ESRRG: variants seen among roughly 807,000 people sequenced by gnomAD.
ESRRG encodes estrogen related receptor gamma, also known as estrogen-related receptor gamma.
In ESRRG, 13 loss-of-function variants were observed where a neutral mutation model predicts 44.0. The observed-to-expected ratio is 0.30, with a 90% CI of 0.19 to 0.47. ESRRG has a LOEUF of 0.47. Ranked by LOEUF, ESRRG falls within the 20% of genes least tolerant of loss-of-function variation. The probability of loss-of-function intolerance (pLI) is 1.00; values close to 1 mark genes in which losing one functional copy is unlikely to be tolerated. For synonymous variants in ESRRG, 215 were observed against 214.6 expected (o/e 1.00, Z -0.02); for missense variants, 395 against 580.6 (o/e 0.68, Z 3.29).
At chr1:217,057,149 A>G (rs2087290634) in intron 1 of ESRRG, among the ~76,000 whole-genome samples, 1 of 152,190 alleles carries the variant, frequency 6.6e-6, no homozygotes, top group Non-Finnish European at 1.5e-5. Context: ...ATATGGAACA[A>G]GAGTCTAAAG....
intron 2 of ESRRG, among the ~76,000 whole-genome samples, chr1:216,871,762 C>CAT (rs2096262888): frequency 6.6e-6 from 1 of 151,822 alleles, no homozygotes; most frequent in South Asian, 2.1e-4. Flanking sequence ...TCGTAGTTGC[C>CAT]ATATATATTA....
chr1:216,990,217 T>G (rs1454156379), intron 1 of ESRRG, among the ~76,000 whole-genome samples: 2 of 152,100 alleles, frequency 1.3e-5, no homozygotes, highest in African/African-American at 4.8e-5. Context: ...TCTAGAAAAA[T>G]GGATGCTGAT....
intron 5 of ESRRG, among the ~76,000 whole-genome samples, chr1:216,558,206 A>G (rs537553636): frequency 9.4e-4 from 143 of 152,246 alleles, no homozygotes; most frequent in African/African-American, 2.7e-3. Context: ...GCTGCAGAAA[A>G]TAGAGTCCCT....
chr1:216,992,079 T>C (rs1267708033), intron 1 of ESRRG, among the ~76,000 whole-genome samples: 1 of 152,162 alleles, frequency 6.6e-6, no homozygotes, highest in African/African-American at 2.4e-5. Flanking sequence ...GTCTGGATTT[T>C]TCAGACCAAA....
intron 1 of ESRRG, among the ~76,000 whole-genome samples, chr1:216,952,153 T>C (rs2067076560): frequency 6.6e-6 from 1 of 152,140 alleles, no homozygotes; most frequent in Non-Finnish European, 1.5e-5. Context: ...GCAAATTATA[T>C]ACCACAACCC....
chr1:216,577,700 A>G (rs1194275448), intron 3 of ESRRG, among the ~76,000 whole-genome samples: 2 of 152,088 alleles, frequency 1.3e-5, no homozygotes, highest in African/African-American at 4.8e-5. Context: ...GGTTCATTTG[A>G]TGGAAATGAA....
rs748236147 is a variant in ESRRG, at chr1:216,564,258, C to G, written c.823G>C (p.Glu275Gln). The change falls in exon 5 of 7, where the codon GAG becomes CAG. Residue 275 changes from glutamate (E) to glutamine (Q), a missense_variant. By Grantham distance (29) the Glu-to-Gln change is conservative. Coordinates refer to ENST00000408911, the MANE Select transcript of ESRRG (RefSeq NM_001438.4). ...LTTLCDLADR[E>Q]LVVIIGWAKH... ...GCCCATCCAATGATAACCACCAACT[C>G]TCGGTCGGCCAAGTCACACAGTGTA... 1.6e-5 allele frequency: 25 copies of G among 1,586,152 alleles called. No individual in the cohort carries two copies. Among genetic ancestry groups the G allele is most frequent in the Non-Finnish European group, 2.1e-5 (24 of 1,166,900 alleles).
intron 3 of ESRRG, among the ~76,000 whole-genome samples, chr1:216,642,404 G>A (rs577106955): frequency 5.8e-4 from 88 of 151,590 alleles, no homozygotes; most frequent in African/African-American, 1.8e-3. Flanking sequence ...TCAACAAAAC[G>A]TGAAAAAAAA....
rs761023362 is a variant in ESRRG, at chr1:216,779,011, T to C, written c.-13-101520A>G. 4.0e-5 allele frequency among the ~76,000 whole-genome samples: 6 copies of C among 148,862 alleles called. No homozygotes were observed. The South Asian group carries it at 1.3e-3, about 31-fold the overall frequency. On this transcript the variant is annotated intron_variant, in intron 2 of 7. Transcript: ENST00000359162. ...CTCTGTTATGTCAATGCTGAAACAA[T>C]GCCAGAATACAGAGCTGAACTGTAA...
intron 2 of ESRRG, among the ~76,000 whole-genome samples, chr1:216,920,321 G>A (rs1399034569): frequency 1.3e-5 from 2 of 151,952 alleles, no homozygotes; most frequent in Non-Finnish European, 2.9e-5. Context: ...TAATCAACAT[G>A]AGTCAAAATT....
intron 1 of ESRRG, among the ~76,000 whole-genome samples, chr1:216,702,710 G>A (rs894187156): frequency 6.6e-6 from 1 of 150,966 alleles, no homozygotes; most frequent in Admixed American, 6.6e-5. Flanking sequence ...CCAGGGAAGC[G>A]GGGTTGCAGT....
chr1:216,664,042 C>T (rs1266843944), intron 2 of ESRRG, among the ~76,000 whole-genome samples: 1 of 152,148 alleles, frequency 6.6e-6, no homozygotes, highest in East Asian at 1.9e-4. Context: ...TGTCTCCTTT[C>T]TAAAAACCTT....
chr1:216,924,259 T>A (rs1375783395), intron 2 of ESRRG, among the ~76,000 whole-genome samples: 1 of 152,162 alleles, frequency 6.6e-6, no homozygotes, highest in African/African-American at 2.4e-5. Context: ...TCCTGAACAT[T>A]GTCAAGGATG....
chr1:216,982,088 C>G (rs1440097653), intron 1 of ESRRG, among the ~76,000 whole-genome samples: 1 of 152,134 alleles, frequency 6.6e-6, no homozygotes, highest in African/African-American at 2.4e-5. Flanking sequence ...AAACTCTTTC[C>G]CCAAAATGCC....
chr1:216,716,666 T>C (rs553088099), intron 1 of ESRRG, among the ~76,000 whole-genome samples: 3 of 152,056 alleles, frequency 2.0e-5, no homozygotes, highest in Non-Finnish European at 2.9e-5. Flanking sequence ...GACTGTTTTT[T>C]ATAATTAAAA....
At chr1:217,080,751 C>T (rs830326) in intron 1 of ESRRG, among the ~76,000 whole-genome samples, 116,119 of 146,632 alleles carry the variant, frequency 0.79, 46,103 homozygotes, top group South Asian at 0.89. Flanking sequence ...CATCTTGGCT[C>T]ACTGCAAGCT....
intron 2 of ESRRG, among the ~76,000 whole-genome samples, chr1:216,776,354 T>A (rs982108253): frequency 6.6e-6 from 1 of 152,070 alleles, no homozygotes; most frequent in Non-Finnish European, 1.5e-5. Context: ...CCTTCAGGAC[T>A]TTTCCTCGCC....
intron 2 of ESRRG, among the ~76,000 whole-genome samples, chr1:216,761,681 C>A (rs1247599561): frequency 6.6e-6 from 1 of 152,072 alleles, no homozygotes; most frequent in African/African-American, 2.4e-5. Context: ...CCTGTATTAC[C>A]AAGCATTAAA....
chr1:217,113,529 G>T (rs1003028950), intron 1 of ESRRG, among the ~76,000 whole-genome samples: 4 of 152,198 alleles, frequency 2.6e-5, no homozygotes, highest in African/African-American at 9.6e-5. Flanking sequence ...ATATGGACAT[G>T]ATTTAGATGA....
Sources: gnomAD v4.1 joint callset for allele counts (sites outside exome capture counted in the v4.1 genomes callset) on GRCh38, gnomAD v4.1.1 for gene constraint, MANE v1.5 for transcripts, NCBI Gene and HGNC (gene_info 2026-07-23, HGNC 2026-07-21) for gene names.